The following MLLT10 variants were observed in gnomAD, a reference collection of about 807,000 sequenced individuals.
MLLT10 encodes the protein protein AF-10.
MLLT10 carries 30 observed loss-of-function variants against 129.1 expected under a neutral mutation model. That is an observed-to-expected ratio of 0.23 (90% CI 0.17 to 0.32). The LOEUF (loss-of-function observed/expected upper bound fraction) is 0.32, where lower values mean the gene tolerates loss of function less well. Ranked by LOEUF, MLLT10 falls within the 10% of genes least tolerant of loss-of-function variation. The pLI is 1.00. For synonymous variants in MLLT10, 490 were observed against 446.4 expected, an observed-to-expected ratio of 1.10 and a Z score of -1.23; for missense variants, 1,119 against 1,268.3, an observed-to-expected ratio of 0.88 and a Z score of 1.79.
intron 13 of MLLT10, among the ~76,000 whole-genome samples, chr10:21,692,001 C>CAAAAAAAAAA (rs929971187): frequency 2.0e-5 from 1 of 50,160 alleles, no homozygotes; most frequent in African/African-American, 8.6e-5. Flanking sequence ...CTCATATCTA[C>CAAAAAAAAAA]AAAAAAAAAA....
At chr10:21,598,572 A>T (rs1384421526) in intron 5 of MLLT10, among the ~76,000 whole-genome samples, 1 of 152,120 alleles carries the variant, frequency 6.6e-6, no homozygotes, top group South Asian at 2.1e-4. Flanking sequence ...ATTCACATCT[A>T]TTGTTTCTAT....
chr10:21,650,008 G>T (rs934324483), intron 8 of MLLT10, among the ~76,000 whole-genome samples: 1 of 151,970 alleles, frequency 6.6e-6, no homozygotes, highest in Non-Finnish European at 1.5e-5. Context: ...AGCATCATTG[G>T]GTGGGAAGAT....
At chr10:21,579,059 G>A (rs1258508515) in intron 3 of MLLT10, among the ~76,000 whole-genome samples, 2 of 152,150 alleles carry the variant, frequency 1.3e-5, no homozygotes, top group Non-Finnish European at 2.9e-5. Context: ...GTGATAAATT[G>A]TGTTTTCTTT....
intron 13 of MLLT10, among the ~76,000 whole-genome samples, chr10:21,692,692 G>A (rs570898684): frequency 2.0e-5 from 3 of 150,174 alleles, no homozygotes; most frequent in African/African-American, 7.4e-5. Flanking sequence ...TACTAATGTC[G>A]CCCAGGCTGG....
chr10:21,589,605 T>G lies in MLLT10; in HGVS notation c.295+3257T>G, dbSNP rs571973661. Among the ~76,000 whole-genome samples the G allele has an allele frequency of 1.0e-3, 158 of 152,328 alleles. 1 individual carries two copies. The highest frequency in any genetic ancestry group is 1.9e-3 in the Non-Finnish European group (128 of 68,026). ...TATGTGCTTTTTTCCTCTTTCTGAATCCTCTGAAACTTTTAGGATACTGTA... is the reference window on the plus strand; with the variant it reads ...TATGTGCTTTTTTCCTCTTTCTGAAGCCTCTGAAACTTTTAGGATACTGTA... On this transcript the variant is annotated intron_variant, in intron 4 of 22. Coordinates refer to ENST00000307729, the MANE Select transcript of MLLT10 (RefSeq NM_001195626.3).
chr10:21,571,042 C>G (rs1246096360), intron 3 of MLLT10, among the ~76,000 whole-genome samples: 1 of 152,008 alleles, frequency 6.6e-6, no homozygotes, highest in African/African-American at 2.4e-5. Flanking sequence ...TTGACTGGAC[C>G]AGGGCTGTGT....
At chr10:21,557,065 C>G (rs2038121715) in intron 3 of MLLT10, 9 of 1,416,178 alleles carry the variant, frequency 6.4e-6, no homozygotes, top group Non-Finnish European at 8.3e-6. Flanking sequence ...CCACTCAACT[C>G]ACAAACATTT....
chr10:21,634,069 A>G (rs537204326), intron 8 of MLLT10, among the ~76,000 whole-genome samples: 1 of 152,248 alleles, frequency 6.6e-6, no homozygotes, highest in East Asian at 1.9e-4. Context: ...GTGAAATCCA[A>G]TCACTACTAA....
At chr10:21,566,396 T>G (rs538212494) in intron 3 of MLLT10, among the ~76,000 whole-genome samples, 90 of 149,798 alleles carry the variant, frequency 6.0e-4, no homozygotes, top group African/African-American at 2.1e-3. Context: ...TGGCTCAATC[T>G]TGGCCCACTG....
At chr10:21,621,983 A>T (rs1421197138) in intron 8 of MLLT10, among the ~76,000 whole-genome samples, 2 of 152,150 alleles carry the variant, frequency 1.3e-5, no homozygotes, top group Non-Finnish European at 2.9e-5. Context: ...TTTTAGGAAA[A>T]ATTTAAAAAT....
intron 8 of MLLT10, among the ~76,000 whole-genome samples, chr10:21,640,699 G>A (rs1445664419): frequency 6.6e-6 from 1 of 152,110 alleles, no homozygotes; most frequent in African/African-American, 2.4e-5. Context: ...CACTATATGA[G>A]CAACCTTGAA....
chr10:21,743,296 GTAAA>G lies in MLLT10; in HGVS notation c.*1318_*1321del, dbSNP rs1346582898. The G allele has an allele frequency of 8.9e-6, 2 of 223,978 alleles. No individual in the cohort carries two copies. Among genetic ancestry groups the G allele is most frequent in the Non-Finnish European group, 1.8e-5 (2 of 112,156 alleles). The allele number at this position is 223,978 out of a possible 1,614,324, so 13.9% of individuals were successfully genotyped here. On this transcript the variant is annotated 3_prime_UTR_variant, in exon 23 of 23. Coordinates refer to ENST00000307729, the MANE Select transcript of MLLT10 (RefSeq NM_001195626.3). Reference sequence around the variant, plus strand: ...ATTGCACAGTTCTTACCTCATTTCTGTAAATAAAGTTTTGTGAATCTGTTTTGTA... The same window carrying G: ...ATTGCACAGTTCTTACCTCATTTCTGTAAAGTTTTGTGAATCTGTTTTGTA...
At chr10:21,606,186 C>G (rs1157631087) in intron 5 of MLLT10, among the ~76,000 whole-genome samples, 4 of 152,166 alleles carry the variant, frequency 2.6e-5, no homozygotes, top group Admixed American at 2.6e-4. Context: ...TCATCTCTCT[C>G]TACTCTCCTT....
chr10:21,591,431 CAGAAGT>C (rs1350961204), intron 4 of MLLT10, among the ~76,000 whole-genome samples: 1 of 152,162 alleles, frequency 6.6e-6, no homozygotes, highest in Admixed American at 6.6e-5. Context: ...CTATCTTGGA[CAGAAGT>C]AGAAGTCTTC....
chr10:21,682,583 G>T (rs930212521), intron 13 of MLLT10, among the ~76,000 whole-genome samples: 2 of 152,058 alleles, frequency 1.3e-5, no homozygotes, highest in Admixed American at 1.3e-4. Context: ...GTAATTATTG[G>T]TACCTAGGGG....
chr10:21,669,095 A>G, intron 9 of MLLT10: 1 of 1,294,646 alleles, frequency 7.7e-7, no homozygotes, highest in Non-Finnish European at 1.0e-6. Flanking sequence ...ATTGGTTTGT[A>G]AAATGGGATT....
chr10:21,631,313 C>CA (rs991306894), intron 8 of MLLT10, among the ~76,000 whole-genome samples: 5,125 of 47,228 alleles, frequency 0.11, 333 homozygotes, highest in Non-Finnish European at 0.13. Flanking sequence ...GACTCCGTCT[C>CA]AAAAAAAAAA....
At chr10:21,682,320 A>G in intron 13 of MLLT10, 63 bp downstream of exon 13, 1 of 1,435,590 alleles carries the variant, frequency 7.0e-7, no homozygotes, top group Non-Finnish European at 9.7e-7. Flanking sequence ...TTTGTAGAGA[A>G]TCTCGATTGA....
chr10:21,712,998 C>T (rs1310867988), intron 13 of MLLT10, among the ~76,000 whole-genome samples: 2 of 152,132 alleles, frequency 1.3e-5, no homozygotes, highest in African/African-American at 4.8e-5. Flanking sequence ...TAGCTTCCAC[C>T]ATTTCCCACC....
Sources: gnomAD v4.1 joint callset for allele counts (sites outside exome capture counted in the v4.1 genomes callset) on GRCh38, gnomAD v4.1.1 for gene constraint, MANE v1.5 for transcripts, NCBI Gene and HGNC (gene_info 2026-07-23, HGNC 2026-07-21) for gene names.